SEMA5A: variants seen among roughly 807,000 people sequenced by gnomAD.
The protein encoded by SEMA5A is semaphorin 5A.
A neutral mutation model predicts 135.5 loss-of-function variants in SEMA5A; 55 were observed. The observed-to-expected ratio is 0.41, with a 90% CI of 0.33 to 0.51. The LOEUF (loss-of-function observed/expected upper bound fraction) is 0.51, where lower values mean the gene tolerates loss of function less well. Among genes scored for constraint, SEMA5A ranks in the 20% least tolerant of loss-of-function variants. The probability of loss-of-function intolerance (pLI) is 0.37; values close to 1 mark genes in which losing one functional copy is unlikely to be tolerated. For synonymous variants in SEMA5A, 580 were observed against 546.5 expected (o/e 1.06, Z -0.85); for missense variants, 1,290 against 1,419.9 (o/e 0.91, Z 1.47).
At chr5:9,252,563 T>A (rs1748854280) in intron 5 of SEMA5A, among the ~76,000 whole-genome samples, 3 of 152,086 alleles carry the variant, frequency 2.0e-5, no homozygotes, top group Admixed American at 2.0e-4. Flanking sequence ...CCTAAGCGAG[T>A]TTATACGTTG....
At chr5:9,155,642 T>A (rs1742912814) in intron 11 of SEMA5A, among the ~76,000 whole-genome samples, 1 of 152,202 alleles carries the variant, frequency 6.6e-6, no homozygotes, top group Non-Finnish European at 1.5e-5. Context: ...TTTCAAAACA[T>A]CATGGTTCTT....
At chr5:9,118,730 A>T (rs1180293909) in intron 15 of SEMA5A, among the ~76,000 whole-genome samples, 1 of 152,168 alleles carries the variant, frequency 6.6e-6, no homozygotes, top group Non-Finnish European at 1.5e-5. Context: ...AGCACAGCAC[A>T]GAGGTTCCTG....
intron 16 of SEMA5A, among the ~76,000 whole-genome samples, chr5:9,107,375 A>G (rs1284491116): frequency 6.6e-6 from 1 of 152,086 alleles, no homozygotes; most frequent in Non-Finnish European, 1.5e-5. Context: ...AGAAAAAAAA[A>G]AACATGCATT....
chr5:9,161,420 G>GAA (rs5865808), intron 11 of SEMA5A, among the ~76,000 whole-genome samples: 1 of 151,838 alleles, frequency 6.6e-6, no homozygotes, highest in African/African-American at 2.4e-5. Flanking sequence ...ATTTAAAATG[G>GAA]AAAAAAGGAA....
At chr5:9,114,073 AT>A (rs1740386349) in intron 15 of SEMA5A, among the ~76,000 whole-genome samples, 1 of 152,258 alleles carries the variant, frequency 6.6e-6, no homozygotes, top group African/African-American at 2.4e-5. Context: ...AAAATAATGG[AT>A]AAACAAAATG....
At chr5:9,155,835 A>G (rs1369272772) in intron 11 of SEMA5A, among the ~76,000 whole-genome samples, 1 of 152,246 alleles carries the variant, frequency 6.6e-6, no homozygotes, top group Admixed American at 6.5e-5. Context: ...AAAAAAATAC[A>G]TAAGCAGACA....
intron 6 of SEMA5A, among the ~76,000 whole-genome samples, chr5:9,234,846 T>A (rs1354090699): frequency 6.6e-6 from 1 of 152,186 alleles, no homozygotes; most frequent in Non-Finnish European, 1.5e-5. Flanking sequence ...TTTCTGTGTA[T>A]CAAGAAAATT....
At chr5:9,065,161 G>T (rs186836595) in intron 17 of SEMA5A, among the ~76,000 whole-genome samples, 162 of 152,336 alleles carry the variant, frequency 1.1e-3, no homozygotes, top group Non-Finnish European at 1.6e-3. Context: ...ACAGTGAGCA[G>T]TGGTGTGAGG....
chr5:9,341,902 T>C (rs1195168717), intron 3 of SEMA5A, among the ~76,000 whole-genome samples: 2 of 151,700 alleles, frequency 1.3e-5, no homozygotes, highest in African/African-American at 4.8e-5. Context: ...TAAGCTCGCA[T>C]GTGATTGGTG....
chr5:9,459,117 T>A (rs1181464696), intron 1 of SEMA5A, among the ~76,000 whole-genome samples: 1 of 152,158 alleles, frequency 6.6e-6, no homozygotes, highest in Non-Finnish European at 1.5e-5. Flanking sequence ...TCTCAACTTT[T>A]TAAAAAAAGT....
At chr5:9,050,383 T>C (rs1579302824) in intron 21 of SEMA5A, 27 bp downstream of exon 21, 1 of 1,593,140 alleles carries the variant, frequency 6.3e-7, no homozygotes, top group East Asian at 2.2e-5. Context: ...GTACATCCAT[T>C]ACAACTACTT....
intron 2 of SEMA5A, among the ~76,000 whole-genome samples, chr5:9,393,839 C>T (rs1756271138): frequency 2.0e-5 from 3 of 152,078 alleles, no homozygotes; most frequent in Admixed American, 2.0e-4. Flanking sequence ...AAAGAATGCT[C>T]ATAGCAGCAT....
chr5:9,266,309 TATAA>T (rs1414122794), intron 5 of SEMA5A, among the ~76,000 whole-genome samples: 2 of 152,210 alleles, frequency 1.3e-5, no homozygotes, highest in African/African-American at 4.8e-5. Flanking sequence ...CTAAGTATCT[TATAA>T]ATAGAGTCTT....
chr5:9,391,180 G>A (rs1347631745), intron 2 of SEMA5A, among the ~76,000 whole-genome samples: 1 of 152,136 alleles, frequency 6.6e-6, no homozygotes, highest in East Asian at 1.9e-4. Context: ...TTCTTAGAGA[G>A]GAAAATTTCA....
At chr5:9,150,313 A>T (rs548389692) in intron 12 of SEMA5A, among the ~76,000 whole-genome samples, 31 of 152,282 alleles carry the variant, frequency 2.0e-4, no homozygotes, top group African/African-American at 7.2e-4. Flanking sequence ...CACTTTTGCA[A>T]CTTATACACA....
chr5:9,288,466 C>T (rs1201253413), intron 5 of SEMA5A, among the ~76,000 whole-genome samples: 3 of 152,160 alleles, frequency 2.0e-5, no homozygotes, highest in Non-Finnish European at 2.9e-5. Flanking sequence ...ATCCAGCTGG[C>T]CGCGAGAGGG....
rs1334446775 is a variant in SEMA5A at position 9,040,873 on chromosome 5, G to C, written c.*2024C>G. 6.6e-6 allele frequency: 1 copy of C among 152,220 alleles called. No individual in the cohort carries two copies. Among genetic ancestry groups the C allele is most frequent in the East Asian group, 1.9e-4 (1 of 5,200 alleles). 9.4% of individuals were successfully genotyped at this position (152,220 alleles called of 1,614,324 possible). ...GAAGACTCAAAAATAACTAAAATGTGCTACAAAGTGAAAATGTTTTTTTCT... is the reference window on the plus strand; with the variant it reads ...GAAGACTCAAAAATAACTAAAATGTCCTACAAAGTGAAAATGTTTTTTTCT... On this transcript the variant is annotated 3_prime_UTR_variant, in exon 23 of 23. Transcript: ENST00000382496.
Position 9,190,469 on chromosome 5 carries a change from A to G in SEMA5A, c.1071T>C (p.Cys357=). The change falls in exon 11 of 23, where the codon TGT becomes TGC. Residue 357 remains cysteine (C), a splice_region_variant and synonymous_variant. Transcript: ENST00000382496. The stretch of plus-strand genomic sequence containing the variant: ...CGTACAGGCCCTGGTCCACGGTGCC[A>G]CACTGAAAGGGAAGACGGGCCAGGT... The part of the protein sequence containing the change: ...PYPNPNPHFQ[C]GTVDQGLYVN... 4 of 1,613,116 alleles carry G rather than the reference A, an allele frequency of 2.5e-6. No individual in the cohort carries two copies. Among genetic ancestry groups the G allele is most frequent in the Non-Finnish European group, 3.4e-6 (4 of 1,179,990 alleles).
intron 5 of SEMA5A, among the ~76,000 whole-genome samples, chr5:9,299,426 C>A (rs1452051494): frequency 6.6e-6 from 1 of 152,168 alleles, no homozygotes; most frequent in Admixed American, 6.5e-5. Flanking sequence ...ATCAAGCAAA[C>A]ACCCAGGAGA....
Sources: gnomAD v4.1 joint callset for allele counts (sites outside exome capture counted in the v4.1 genomes callset) on GRCh38, gnomAD v4.1.1 for gene constraint, MANE v1.5 for transcripts, NCBI Gene and HGNC (gene_info 2026-07-23, HGNC 2026-07-21) for gene names.